AGXT2: variants seen among roughly 807,000 people sequenced by gnomAD.
AGXT2 encodes the protein alanine--glyoxylate aminotransferase 2, mitochondrial.
A neutral mutation model predicts 62.5 loss-of-function variants in AGXT2; 61 were observed. The ratio of observed to expected loss-of-function variants is 0.98; its 90% confidence interval spans 0.79 to 1.21. The LOEUF is 1.21. AGXT2 is among the 50% of genes most tolerant of loss of function. The probability of loss-of-function intolerance (pLI) is 0.00; values close to 1 mark genes in which losing one functional copy is unlikely to be tolerated. For synonymous variants in AGXT2, 243 were observed against 218.7 expected (o/e 1.11, Z -0.98); for missense variants, 666 against 641.5 (o/e 1.04, Z -0.41).
chr5:35,043,089 T>C (rs1768048927), intron 1 of AGXT2, among the ~76,000 whole-genome samples: 1 of 152,242 alleles, frequency 6.6e-6, no homozygotes, highest in Admixed American at 6.5e-5. Flanking sequence ...CACAGAGTTC[T>C]ATAGCAGACA....
rs138123757 is a variant in AGXT2, at chr5:35,025,794, C to T, written c.932G>A (p.Arg311Gln). 6.0e-5 allele frequency: 97 copies of T among 1,614,028 alleles called. No homozygotes were observed. In the African/African-American group the frequency reaches 1.0e-3, roughly 17 times the overall value. The stretch of plus-strand genomic sequence containing the variant: ...TGCAATGCACACGCCTCCCCTTGCT[C>T]GCACCAGCTCAAAGGCTTCCTTTAG... ...GFLKEAFELVRARGGVCIADE... is the reference protein window; with the variant it reads ...GFLKEAFELVQARGGVCIADE... Residue 311 changes from arginine (R) to glutamine (Q), a missense_variant, in exon 9 of 14, where the codon CGA becomes CAA. Coordinates refer to ENST00000231420, the MANE Select transcript of AGXT2 (RefSeq NM_031900.4).
In AGXT2 at chr5:35,036,930, A is replaced by C. The variant is rs752664648; in HGVS notation, c.486+12T>G. 1 of 1,613,830 alleles carries C rather than the reference A, an allele frequency of 6.2e-7. No homozygotes were observed. Among genetic ancestry groups the C allele is most frequent in the Non-Finnish European group, 8.5e-7 (1 of 1,179,912 alleles). On this transcript the variant is annotated intron_variant, in intron 4 of 13. Transcript: ENST00000231420. ...CCCATAACATTCACCTCCTGCAGGA[A>C]GAGCATTGTACCTTAAGAGGCTCAG... is the stretch of plus-strand genomic sequence containing the variant.
rs1380836636 is a variant in AGXT2, at chr5:35,039,342, C to T, written c.344G>A (p.Ser115Asn). The T allele has an allele frequency of 6.2e-7, 1 of 1,614,088 alleles. No homozygotes were observed. Among genetic ancestry groups the T allele is most frequent in the East Asian group, 2.2e-5 (1 of 44,882 alleles). Residue 115 changes from serine to asparagine, a missense_variant, in exon 3 of 14, where the codon AGT becomes AAT. By Grantham distance (46) the Ser-to-Asn change is conservative. Coordinates refer to ENST00000231420, the MANE Select transcript of AGXT2 (RefSeq NM_031900.4). ...TACTCACGGGTGGCAATGGCCAACA[C>T]TGACAGTAACAATCCCGGAAAAGAA... Reference protein sequence around the residue: ...LDFFSGIVTVSVGHCHPKVNA... With the variant: ...LDFFSGIVTVNVGHCHPKVNA...
At chr5:35,045,764 C>CTTTTTTT (rs1255749919) in intron 1 of AGXT2, among the ~76,000 whole-genome samples, 103 of 99,102 alleles carry the variant, frequency 1.0e-3, no homozygotes, top group East Asian at 5.1e-3. Context: ...TTTCTTTTTT[C>CTTTTTTT]TTTTTTTTTT....
At chr5:35,043,079 C>T (rs1768048603) in intron 1 of AGXT2, among the ~76,000 whole-genome samples, 1 of 152,200 alleles carries the variant, frequency 6.6e-6, no homozygotes. Flanking sequence ...GCCTAATTCT[C>T]ACAGAGTTCT....
rs899683738 is a variant in AGXT2 at position 35,039,291 on chromosome 5, G to A, written c.362+33C>T. ...TAATTGTTTTCCATGCATTCTTTTG[G>A]AATAAAAATCTCCAGATTTTAAGGA... On this transcript the variant is annotated intron_variant, in intron 3 of 13. Transcript: ENST00000231420. 10 of 1,604,868 alleles carry A rather than the reference G, an allele frequency of 6.2e-6. No individual in the cohort carries two copies. In the Admixed American group the frequency reaches 8.3e-5, roughly 13 times the overall value.
At position 35,032,742 on chromosome 5, in the gene AGXT2, G is replaced by A. The variant is rs754053474; in HGVS notation, c.759C>T (p.Ser253=). The change falls in exon 7 of 14, where the codon AGC becomes AGT. Residue 253 remains serine, a synonymous_variant. Transcript: ENST00000231420. ...DSPVQTIRKC[S]CAPDCCQAKD... ...CTTGCCCAGTCGGACCTGGTGCACA[G>A]CTGCACTTCCTGATTGTTTGCACTG... The A allele has an allele frequency of 2.5e-6, 4 of 1,607,506 alleles. No homozygotes were observed. The East Asian group carries it at 8.9e-5, about 36-fold the overall frequency.
chr5:35,015,577 C>T (rs13178458), intron 9 of AGXT2, among the ~76,000 whole-genome samples: 45,200 of 151,850 alleles, frequency 0.3, 7,424 homozygotes, highest in Non-Finnish European at 0.38. Flanking sequence ...AGGCTGGGCA[C>T]GGTGGCTCAT....
chr5:35,025,939 T>G (rs146164015), intron 8 of AGXT2, 84 bp from the exon 9 acceptor site: 1 of 1,156,056 alleles, frequency 8.7e-7, no homozygotes, highest in African/African-American at 1.5e-5. Flanking sequence ...ATCATTATCA[T>G]CATTATCATG....
chr5:35,035,751 C>T (rs978444748), intron 4 of AGXT2, among the ~76,000 whole-genome samples: 3 of 152,130 alleles, frequency 2.0e-5, no homozygotes, highest in South Asian at 2.1e-4. Context: ...GTTGTCCCAG[C>T]CTGACTATGC....
intron 11 of AGXT2, among the ~76,000 whole-genome samples, chr5:35,011,458 T>TA (rs11358241): frequency 0.24 from 28,327 of 119,570 alleles, 3,784 homozygotes; most frequent in African/African-American, 0.4. Context: ...AGACTCTTTC[T>TA]AAAAAAAAAA....
At chr5:35,036,848 C>T in intron 4 of AGXT2, 94 bp downstream of exon 4, 2 of 1,590,778 alleles carry the variant, frequency 1.3e-6, no homozygotes. Flanking sequence ...GGACGCTCCC[C>T]TAGAATCATA....
At chr5:35,047,777 G>C (rs1055942246) in intron 1 of AGXT2, 28 bp downstream of exon 1, 1 of 1,612,876 alleles carries the variant, frequency 6.2e-7, no homozygotes, top group Non-Finnish European at 8.5e-7. Flanking sequence ...ATCCTCTACT[G>C]ACCCACGTCC....
In AGXT2 at chr5:35,037,074, G is replaced by A. The variant is rs1332146104; in HGVS notation, c.363-9C>T. On this transcript the variant is annotated splice_polypyrimidine_tract_variant and intron_variant, in intron 3 of 13. Transcript: ENST00000231420. ...CCACTGCATTCACCTTTCTGGATAA[G>A]CAGTACAGCAGAGTTACCTGCACTG... 20 of 1,613,682 alleles carry A rather than the reference G, an allele frequency of 1.2e-5. No individual in the cohort carries two copies. The highest frequency in any genetic ancestry group is 1.7e-5 in the Admixed American group (1 of 60,014).
chr5:35,037,009 A>AC lies in AGXT2; in HGVS notation c.418dup (p.Val140GlyfsTer9). 1 of 1,614,184 alleles carries AC rather than the reference A, an allele frequency of 6.2e-7. No individual in the cohort carries two copies. Among genetic ancestry groups the AC allele is most frequent in the Non-Finnish European group, 8.5e-7 (1 of 1,180,010 alleles). On this transcript the variant is annotated frameshift_variant, in exon 4 of 14. Transcript: ENST00000231420. LOFTEE classifies it high-confidence loss of function. ...TTCATGCATTGGAGGGTGGAAGAAG[A>AC]CGGTGCTTGTATGCCACAGGCGGCC...
chr5:35,021,352 A>G (rs1237706030), intron 9 of AGXT2, among the ~76,000 whole-genome samples: 19 of 151,904 alleles, frequency 1.3e-4, no homozygotes, highest in African/African-American at 4.1e-4. Flanking sequence ...CCAAAACAGC[A>G]TGGTACTGGT....
chr5:35,017,823 G>GA (rs1369380944), intron 9 of AGXT2, among the ~76,000 whole-genome samples: 4 of 152,046 alleles, frequency 2.6e-5, no homozygotes, highest in African/African-American at 9.7e-5. Flanking sequence ...TGAAAACTTT[G>GA]AAAAAAATTT....
At chr5:35,031,933 TG>T (rs1445284527) in intron 7 of AGXT2, among the ~76,000 whole-genome samples, 5 of 142,004 alleles carry the variant, frequency 3.5e-5, no homozygotes, top group Non-Finnish European at 7.5e-5. Context: ...ATTTTAGAGA[TG>T]GGATCTTGCT....
Position 35,010,029 on chromosome 5 carries a change from T to A in AGXT2, c.1309A>T (p.Met437Leu). The part of the protein sequence containing the change: ...IVGDVRGKGL[M>L]IGIEMVQDKI... ...TCCTGCACCATTTCTATGCCTATCATGAGACCTTTGCCTCGGACGTCTCCA... is the reference window on the plus strand; with the variant it reads ...TCCTGCACCATTTCTATGCCTATCAAGAGACCTTTGCCTCGGACGTCTCCA... Residue 437 changes from methionine (M) to leucine (L), a missense_variant, in exon 12 of 14, where the codon ATG (methionine) becomes TTG (leucine). Coordinates refer to ENST00000231420, the MANE Select transcript of AGXT2 (RefSeq NM_031900.4). 2 of 1,614,252 alleles carry A rather than the reference T, an allele frequency of 1.2e-6. No homozygotes were observed. The highest frequency in any genetic ancestry group is 1.7e-6 in the Non-Finnish European group (2 of 1,180,044).
Sources: allele counts gnomAD v4.1 joint callset (sites outside exome capture counted in the v4.1 genomes callset), GRCh38; gene constraint gnomAD v4.1.1; transcripts MANE v1.5; gene names NCBI Gene and HGNC (gene_info 2026-07-23, HGNC 2026-07-21).